The following CLCA4 variants were observed in gnomAD, a reference collection of about 807,000 sequenced individuals.
CLCA4 encodes chloride channel accessory 4.
Under a neutral mutation model 78.9 loss-of-function variants are expected in CLCA4, and 69 were observed. That is an observed-to-expected ratio of 0.87 (90% confidence interval 0.72 to 1.07). The LOEUF is 1.07. Among genes scored for constraint, CLCA4 ranks in the 50% least tolerant of loss-of-function variants. CLCA4 has a pLI of 0.00. For synonymous variants in CLCA4, 362 were observed against 375.8 expected, an observed-to-expected ratio of 0.96 and a Z score of 0.42; for missense variants, 1,133 against 1,095.8, an observed-to-expected ratio of 1.03 and a Z score of -0.48.
chr1:86,564,293 G>T (rs1443044546), intron 4 of CLCA4, among the ~76,000 whole-genome samples: 1 of 152,098 alleles, frequency 6.6e-6, no homozygotes, highest in Admixed American at 6.6e-5. Context: ...AATTAAAATT[G>T]GTGCTATCAC....
chr1:86,576,768 A>G (rs1055071285), intron 11 of CLCA4, among the ~76,000 whole-genome samples: 7 of 152,128 alleles, frequency 4.6e-5, no homozygotes, highest in Admixed American at 3.9e-4. Context: ...AAGATTCATC[A>G]CTGGGGCATC....
chr1:86,577,927 A>C lies in CLCA4; in HGVS notation c.1977A>C (p.Gly659=), dbSNP rs201713954. Residue 659 remains glycine (G), a synonymous_variant, in exon 12 of 14, where the codon GGA becomes GGC. Coordinates refer to ENST00000370563, the MANE Select transcript of CLCA4 (RefSeq NM_012128.4). ...GAGADSFKND[G]VYSRYFTAYT... is the part of the protein sequence containing the mutation. ...GCGCTGATTCTTTCAAGAATGATGG[A>C]GTCTACTCCAGGTATTTTACAGCAT... 412 of 1,612,120 alleles carry C rather than the reference A, an allele frequency of 2.6e-4. No individual in the cohort carries two copies. The highest frequency in any genetic ancestry group is 8.7e-4 in the Admixed American group (52 of 59,752).
intron 1 of CLCA4, among the ~76,000 whole-genome samples, chr1:86,547,656 C>G (rs1490844636): frequency 1.3e-5 from 2 of 152,118 alleles, no homozygotes; most frequent in South Asian, 2.1e-4. Context: ...AAGTATCATT[C>G]TACTCTCTAT....
chr1:86,579,085 A>T (rs182416749), intron 12 of CLCA4, among the ~76,000 whole-genome samples: 1 of 152,088 alleles, frequency 6.6e-6, no homozygotes, highest in East Asian at 1.9e-4. Context: ...TTCCTTTTTT[A>T]AAAAGGCACA....
chr1:86,572,661 A>C lies in CLCA4; in HGVS notation c.1408A>C (p.Ile470Leu), dbSNP rs1650388027. 1 of 1,610,212 alleles carries C rather than the reference A, an allele frequency of 6.2e-7. No homozygotes were observed. The highest frequency in any genetic ancestry group is 8.5e-7 in the Non-Finnish European group (1 of 1,176,982). The change falls in exon 9 of 14, where the codon ATT becomes CTT. Residue 470 changes from isoleucine to leucine, a missense_variant. By Grantham distance (5) the Ile-to-Leu change is conservative. Transcript: ENST00000370563. ...AGATGAAGCTCAGAACAATGGCCTC[A>C]TTGATGCTTTTGGGGCTCTTACATC... The part of the protein sequence containing the change: ...VSDEAQNNGL[I>L]DAFGALTSGN...
rs1650675361 is a variant in CLCA4, at chr1:86,580,242, C to G, written c.2657C>G (p.Thr886Ser). Residue 886 changes from threonine (T) to serine (S), a missense_variant, in exon 14 of 14, where the codon ACT (threonine) becomes AGT (serine). By Grantham distance (58) the Thr-to-Ser change is moderately conservative. Coordinates refer to ENST00000370563, the MANE Select transcript of CLCA4 (RefSeq NM_012128.4). ...DPTPTPTPTPTPDKSHNSGVN... is the reference protein window; with the variant it reads ...DPTPTPTPTPSPDKSHNSGVN... Reference sequence around the variant, plus strand: ...ACACCTACTCCTACTCCTACTCCTACTCCTGATAAAAGTCATAATTCTGGA... The same window carrying G: ...ACACCTACTCCTACTCCTACTCCTAGTCCTGATAAAAGTCATAATTCTGGA... The G allele has an allele frequency of 1.9e-6, 3 of 1,580,864 alleles. No homozygotes were observed. The highest frequency in any genetic ancestry group is 2.6e-6 in the Non-Finnish European group (3 of 1,155,936).
At chr1:86,552,498 T>A in intron 1 of CLCA4, 1 of 499,950 alleles carries the variant, frequency 2.0e-6, no homozygotes, top group Non-Finnish European at 3.6e-6. Flanking sequence ...GTTCTGGGAT[T>A]TCTCAGAATC....
intron 1 of CLCA4, among the ~76,000 whole-genome samples, chr1:86,553,926 ACT>A (rs752594818): frequency 6.6e-6 from 1 of 151,572 alleles, no homozygotes; most frequent in Non-Finnish European, 1.5e-5. Context: ...ACAGAGCAAG[ACT>A]CTGTCCAAAA....
intron 12 of CLCA4, 59 bp from the exon 13 acceptor site, chr1:86,579,295 T>C: frequency 8.0e-7 from 1 of 1,248,898 alleles, no homozygotes; most frequent in Non-Finnish European, 1.2e-6. Context: ...GGTGATTCAC[T>C]GAATTATAAT....
At position 86,579,373 on chromosome 1, in the gene CLCA4, G is replaced by T. The variant is rs139200920; in HGVS notation, c.2142G>T (p.Pro714=). ...WVVNGEIEAN[P]PRPEIDEDTQ... ...ATGCAGGGGAAATTGAAGCAAACCC[G>T]CCAAGACCTGAAATTGATGAGGATA... Residue 714 remains proline (P), a synonymous_variant, in exon 13 of 14, where the codon CCG becomes CCT. Transcript: ENST00000370563. The T allele has an allele frequency of 6.2e-7, 1 of 1,612,946 alleles. No individual in the cohort carries two copies. The highest frequency in any genetic ancestry group is 2.2e-5 in the East Asian group (1 of 44,836).
At position 86,574,573 on chromosome 1, in the gene CLCA4, G is replaced by T. The variant is rs535681883; in HGVS notation, c.1501G>T (p.Ala501Ser). Residue 501 changes from alanine to serine, a missense_variant, in exon 10 of 14, where the codon GCC (alanine) becomes TCC (serine). Physicochemically the swap from Ala to Ser is moderately conservative, Grantham distance 99. Transcript: ENST00000370563. ...ESKGLTLNSNAWMNDTVIIDS... is the reference protein window; with the variant it reads ...ESKGLTLNSNSWMNDTVIIDS... ...TAAGGGATTAACACTGAATAGTAAT[G>T]CCTGGATGAACGACACTGTCATAAT... is the stretch of plus-strand genomic sequence containing the variant. 2.5e-6 allele frequency: 4 copies of T among 1,613,022 alleles called. No homozygotes were observed. In the East Asian group the frequency reaches 8.9e-5, roughly 36 times the overall value.
chr1:86,579,394 G>A lies in CLCA4; in HGVS notation c.2163G>A (p.Glu721=). The change falls in exon 13 of 14, where the codon GAG becomes GAA. Residue 721 remains glutamate (E), a synonymous_variant. Transcript: ENST00000370563. ...EANPPRPEID[E]DTQTTLEDFS... The stretch of plus-strand genomic sequence containing the variant: ...ACCCGCCAAGACCTGAAATTGATGA[G>A]GATACTCAGACCACCTTGGAGGATT... 6.2e-7 allele frequency: 1 copy of A among 1,613,200 alleles called. No homozygotes were observed. Among genetic ancestry groups the A allele is most frequent in the Non-Finnish European group, 8.5e-7 (1 of 1,179,482 alleles).
chr1:86,579,652 T>A (rs189668105), intron 13 of CLCA4, 65 bp downstream of exon 13: 59 of 965,312 alleles, frequency 6.1e-5, no homozygotes, highest in Admixed American at 1.6e-4. Flanking sequence ...AACAGGGGTG[T>A]AAGGGTGGGT....
At chr1:86,550,934 C>T (rs925663570) in intron 1 of CLCA4, among the ~76,000 whole-genome samples, 1 of 151,186 alleles carries the variant, frequency 6.6e-6, no homozygotes, top group Admixed American at 6.6e-5. Flanking sequence ...CACGTTCACG[C>T]CATTCTCCTG....
At chr1:86,551,567 T>C (rs1649664577) in intron 1 of CLCA4, among the ~76,000 whole-genome samples, 1 of 152,174 alleles carries the variant, frequency 6.6e-6, no homozygotes, top group South Asian at 2.1e-4. Flanking sequence ...GGGATTCGGA[T>C]TTCTTTCATT....
intron 4 of CLCA4, among the ~76,000 whole-genome samples, 162 bp downstream of exon 4, chr1:86,563,931 TA>T (rs1488164841): frequency 1.3e-5 from 2 of 152,170 alleles, no homozygotes; most frequent in Non-Finnish European, 2.9e-5. Flanking sequence ...GATTGCTATT[TA>T]AAACATACAT....
intron 1 of CLCA4, 61 bp from the exon 2 acceptor site, chr1:86,559,870 AC>A: frequency 1.5e-6 from 2 of 1,343,998 alleles, no homozygotes; most frequent in Non-Finnish European, 2.1e-6. Context: ...CTGTCACAAA[AC>A]CCTGCTAATT....
chr1:86,554,293 C>A (rs1041455598), intron 1 of CLCA4, among the ~76,000 whole-genome samples: 3 of 152,188 alleles, frequency 2.0e-5, no homozygotes, highest in African/African-American at 7.2e-5. Flanking sequence ...TAGCCTACAG[C>A]TCCACCCATG....
intron 3 of CLCA4, 102 bp from the exon 4 acceptor site, chr1:86,563,559 G>A (rs544521876): frequency 2.2e-5 from 12 of 544,140 alleles, no homozygotes; most frequent in East Asian, 6.4e-5. Context: ...GTTGAAAACC[G>A]AAATCTAAAT....
Sources: gnomAD v4.1 joint callset for allele counts (sites outside exome capture counted in the v4.1 genomes callset) on GRCh38, gnomAD v4.1.1 for gene constraint, MANE v1.5 for transcripts, NCBI Gene and HGNC (gene_info 2026-07-23, HGNC 2026-07-21) for gene names.